The following CADPS variants were observed in gnomAD, a reference collection of about 807,000 sequenced individuals.
CADPS encodes calcium-dependent secretion activator 1.
A neutral mutation model predicts 167.3 loss-of-function variants in CADPS; 57 were observed. The ratio of observed to expected loss-of-function variants is 0.34; its 90% CI spans 0.28 to 0.42. The LOEUF is 0.42. Among genes scored for constraint, CADPS ranks in the 20% least tolerant of loss-of-function variants. The probability of loss-of-function intolerance (pLI) is 1.00; values close to 1 mark genes in which losing one functional copy is unlikely to be tolerated. For synonymous variants in CADPS, 676 were observed against 635.3 expected (o/e 1.06, Z -0.96); for missense variants, 1,414 against 1,738.1 (o/e 0.81, Z 3.32).
In CADPS at chr3:62,753,338, TAA is replaced by T. The variant is rs2083128158; in HGVS notation, c.888+101_888+102del. ...TTTTTACCAGTAGAGTAATAAAATA[TAA>T]GTTTTAATCCTTTTTTTAAAAAAAT... On this transcript the variant is annotated intron_variant, in intron 3 of 29. Transcript: ENST00000383710. The surrounding 1 kb of genome is among the most constrained non-coding windows in gnomAD (Gnocchi z 4.6). 3.6e-6 allele frequency: 3 copies of T among 829,302 alleles called. No individual in the cohort carries two copies. The highest frequency in any genetic ancestry group is 3.4e-4 in the Middle Eastern group (1 of 2,948). 51.4% of individuals were successfully genotyped at this position (829,302 alleles called of 1,614,324 possible).
intron 1 of CADPS, among the ~76,000 whole-genome samples, chr3:62,863,918 T>C (rs900534833): frequency 9.2e-5 from 14 of 152,052 alleles, no homozygotes; most frequent in African/African-American, 2.7e-4. Context: ...AGAAGAAAAA[T>C]TGTATCATTG....
chr3:62,862,325 T>C (rs371380186), intron 1 of CADPS, among the ~76,000 whole-genome samples: 1 of 151,670 alleles, frequency 6.6e-6, no homozygotes, highest in South Asian at 2.1e-4. Flanking sequence ...CAAGTGATTC[T>C]TCTGCCTCAA....
chr3:62,874,253 C>A lies in CADPS; in HGVS notation c.441+336G>T, dbSNP rs1315905366. ...CAAGCGAGCAAGGCCTCTCTGGGCG[C>A]CGCGGGCAGCAAATCACTCCCCGAG... On this transcript the variant is annotated intron_variant, in intron 1 of 29. Coordinates refer to ENST00000383710, the MANE Select transcript of CADPS (RefSeq NM_003716.4). The surrounding 1 kb of genome is among the most constrained non-coding windows in gnomAD (Gnocchi z 7.1). Among the ~76,000 whole-genome samples the A allele has an allele frequency of 6.6e-6, 1 of 152,162 alleles. No individual in the cohort carries two copies. Among genetic ancestry groups the A allele is most frequent in the African/African-American group, 2.4e-5 (1 of 41,462 alleles).
In CADPS at chr3:62,420,340, A is replaced by G. The variant is rs1340154439; in HGVS notation, c.3778-17155T>C. On this transcript the variant is annotated intron_variant, in intron 28 of 29. Transcript: ENST00000383710. The surrounding 1 kb of genome is among the most constrained non-coding windows in gnomAD (Gnocchi z 4.1). ...ATGAACATGAGCTCTTTGGGGAATGATTTCTCATAAGGGAAGAACATGATC... is the reference window on the plus strand; with the variant it reads ...ATGAACATGAGCTCTTTGGGGAATGGTTTCTCATAAGGGAAGAACATGATC... Among the ~76,000 whole-genome samples the G allele has an allele frequency of 2.0e-5, 3 of 152,226 alleles. No individual in the cohort carries two copies. The highest frequency in any genetic ancestry group is 7.2e-5 in the African/African-American group (3 of 41,462).
intron 15 of CADPS, 152 bp from the exon 16 acceptor site, chr3:62,516,334 G>A: frequency 9.3e-7 from 1 of 1,075,214 alleles, no homozygotes. Context: ...GAATTGCAAA[G>A]CATTGGCAAA....
chr3:62,518,099 C>T (rs1009889726), intron 14 of CADPS, 50 bp downstream of exon 14: 2 of 1,218,142 alleles, frequency 1.6e-6, no homozygotes, highest in African/African-American at 1.5e-5. Flanking sequence ...TTTAGTTTTC[C>T]CTTCCCACTC....
chr3:62,806,954 G>T (rs2094132599), intron 1 of CADPS, among the ~76,000 whole-genome samples: 1 of 151,238 alleles, frequency 6.6e-6, no homozygotes, highest in African/African-American at 2.4e-5. Flanking sequence ...GACAGTGAAG[G>T]CTACAGTCCA....
chr3:62,873,731 CT>C (rs910057082), intron 1 of CADPS, among the ~76,000 whole-genome samples: 4 of 150,630 alleles, frequency 2.7e-5, no homozygotes, highest in Non-Finnish European at 5.9e-5. Flanking sequence ...TGCAGCTGTA[CT>C]TTATCAAGGC....
intron 3 of CADPS, among the ~76,000 whole-genome samples, chr3:62,725,340 C>T (rs1017139887): frequency 6.6e-6 from 1 of 152,188 alleles, no homozygotes; most frequent in Non-Finnish European, 1.5e-5. Flanking sequence ...TGACACATGA[C>T]TAATGATTAT....
chr3:62,741,237 A>G (rs2080171589), intron 3 of CADPS, among the ~76,000 whole-genome samples: 1 of 152,150 alleles, frequency 6.6e-6, no homozygotes, highest in Non-Finnish European at 1.5e-5. Context: ...CTATTCCAAA[A>G]AATTGAGGAG....
chr3:62,724,660 C>T (rs908639829), intron 3 of CADPS, among the ~76,000 whole-genome samples: 1 of 152,168 alleles, frequency 6.6e-6, no homozygotes, highest in Non-Finnish European at 1.5e-5. Context: ...TCTTTACCTT[C>T]CTCATTTAGC....
At chr3:62,569,018 C>G (rs892424847) in intron 9 of CADPS, among the ~76,000 whole-genome samples, 1 of 152,150 alleles carries the variant, frequency 6.6e-6, no homozygotes, top group African/African-American at 2.4e-5. Context: ...AGTAGGTGCT[C>G]AATAAATACT....
intron 26 of CADPS, among the ~76,000 whole-genome samples, chr3:62,449,617 G>T (rs2057747410): frequency 6.6e-6 from 1 of 152,160 alleles, no homozygotes; most frequent in Non-Finnish European, 1.5e-5. Flanking sequence ...GAAAATCCAA[G>T]CATGCACCAG....
intron 17 of CADPS, among the ~76,000 whole-genome samples, chr3:62,506,162 G>A (rs2066642719): frequency 6.6e-6 from 1 of 152,148 alleles, no homozygotes; most frequent in South Asian, 2.1e-4. Context: ...GGCTGAGGCA[G>A]GAGGATCACG....
At chr3:62,751,153 G>GA (rs2082607094) in intron 3 of CADPS, among the ~76,000 whole-genome samples, 1 of 152,116 alleles carries the variant, frequency 6.6e-6, no homozygotes, top group South Asian at 2.1e-4. Flanking sequence ...TATTGTCATA[G>GA]AAATGGGTAT....
At chr3:62,850,147 G>A (rs1216429195) in intron 1 of CADPS, among the ~76,000 whole-genome samples, 2 of 130,070 alleles carry the variant, frequency 1.5e-5, no homozygotes, top group Admixed American at 7.7e-5. Context: ...TTTTTATCGT[G>A]TCTATTTGAT....
At chr3:62,430,874 T>C (rs929281133) in intron 28 of CADPS, among the ~76,000 whole-genome samples, 1 of 152,086 alleles carries the variant, frequency 6.6e-6, no homozygotes, top group African/African-American at 2.4e-5. Context: ...TATGACTTAA[T>C]TGCCAGAGTT....
intron 7 of CADPS, among the ~76,000 whole-genome samples, chr3:62,586,238 G>A (rs1021031833): frequency 5.3e-5 from 8 of 152,180 alleles, no homozygotes; most frequent in South Asian, 4.1e-4. Context: ...ATGGCAGCAC[G>A]CCCTGGTTTG....
In CADPS at chr3:62,546,418, G is replaced by C. The variant is rs139616656; in HGVS notation, c.1966+3485C>G. 1.3e-5 allele frequency among the ~76,000 whole-genome samples: 2 copies of C among 152,178 alleles called. 1 individual carries two copies. The highest frequency in any genetic ancestry group is 4.2e-4 in the South Asian group (2 of 4,816). On this transcript the variant is annotated intron_variant, in intron 11 of 29. Coordinates refer to ENST00000383710, the MANE Select transcript of CADPS (RefSeq NM_003716.4). ...GGGCAAACTAAGATGACTTGGTCAC[G>C]GTAAGTATGAATCAACACTGTGGGT... is the stretch of plus-strand genomic sequence containing the variant.
Sources: allele counts gnomAD v4.1 joint callset (sites outside exome capture counted in the v4.1 genomes callset), GRCh38; gene constraint gnomAD v4.1.1; non-coding constraint Gnocchi (gnomAD v3.1); transcripts MANE v1.5; gene names NCBI Gene and HGNC (gene_info 2026-07-23, HGNC 2026-07-21).